MACROD2: variants seen among roughly 807,000 people sequenced by gnomAD.
The protein encoded by MACROD2 is mono-ADP ribosylhydrolase 2, also known as ADP-ribose glycohydrolase MACROD2.
In MACROD2, 36 loss-of-function variants were observed where a neutral mutation model predicts 70.4. The ratio of observed to expected loss-of-function variants is 0.51; its 90% CI spans 0.39 to 0.68. MACROD2 has a LOEUF of 0.68. MACROD2 is among the 30% of genes least tolerant of loss of function. The probability of loss-of-function intolerance (pLI) is 0.00; values close to 1 mark genes in which losing one functional copy is unlikely to be tolerated. For missense variants in MACROD2, 496 were observed against 538.4 expected (o/e 0.92, Z 0.78); for synonymous variants, 172 against 178.8 (o/e 0.96, Z 0.30).
At chr20:14,466,964 T>G (rs537386554) in intron 3 of MACROD2, among the ~76,000 whole-genome samples, 4 of 152,288 alleles carry the variant, frequency 2.6e-5, no homozygotes, top group South Asian at 4.1e-4. Context: ...GCCTCCCAGT[T>G]AGGCTACTCA....
At chr20:15,786,127 T>A (rs1328477054) in intron 8 of MACROD2, among the ~76,000 whole-genome samples, 2 of 148,304 alleles carry the variant, frequency 1.3e-5, no homozygotes, top group African/African-American at 2.5e-5. Context: ...AATTAAAGAC[T>A]AAGGAGATGA....
intron 2 of MACROD2, among the ~76,000 whole-genome samples, chr20:14,037,846 A>C (rs2053335870): frequency 6.6e-6 from 1 of 150,676 alleles, no homozygotes; most frequent in Non-Finnish European, 1.5e-5. Flanking sequence ...TGGTCTCTAC[A>C]AAAAAAAACC....
intron 3 of MACROD2, among the ~76,000 whole-genome samples, chr20:14,414,035 C>T (rs1315410006): frequency 6.6e-6 from 1 of 152,134 alleles, no homozygotes; most frequent in Non-Finnish European, 1.5e-5. Flanking sequence ...CTGCTATCTG[C>T]ATTCTGTCCC....
chr20:14,851,134 A>G (rs959238224), intron 5 of MACROD2, among the ~76,000 whole-genome samples: 1 of 152,182 alleles, frequency 6.6e-6, no homozygotes, highest in African/African-American at 2.4e-5. Flanking sequence ...ATTGAGGGAA[A>G]GAGTTAAAAA....
At chr20:15,383,500 G>A (rs766555820) in intron 6 of MACROD2, among the ~76,000 whole-genome samples, 9 of 152,230 alleles carry the variant, frequency 5.9e-5, no homozygotes, top group East Asian at 1.9e-4. Flanking sequence ...AACAACATTC[G>A]CTTCCCAGTA....
At chr20:14,429,135 C>T (rs1054852856) in intron 3 of MACROD2, among the ~76,000 whole-genome samples, 2 of 152,144 alleles carry the variant, frequency 1.3e-5, no homozygotes, top group African/African-American at 4.8e-5. Flanking sequence ...AAATGAAGCA[C>T]CTGATGATAT....
intron 6 of MACROD2, among the ~76,000 whole-genome samples, chr20:15,321,946 C>T (rs1308065493): frequency 7.0e-6 from 1 of 143,318 alleles, no homozygotes; most frequent in Non-Finnish European, 1.6e-5. Context: ...GCACATGCCA[C>T]CATGCCCAGC....
At chr20:15,119,902 G>A (rs566694546) in intron 5 of MACROD2, among the ~76,000 whole-genome samples, 2 of 152,352 alleles carry the variant, frequency 1.3e-5, no homozygotes, top group South Asian at 4.1e-4. Flanking sequence ...ACCATTGCTG[G>A]TATAGATTCT....
chr20:14,695,087 G>A (rs781452000), intron 5 of MACROD2, among the ~76,000 whole-genome samples: 3 of 151,846 alleles, frequency 2.0e-5, no homozygotes, highest in Non-Finnish European at 4.4e-5. Context: ...GCTTCCTAGG[G>A]CTGCTGTAAC....
At chr20:14,366,068 A>T (rs892427174) in intron 3 of MACROD2, among the ~76,000 whole-genome samples, 3 of 152,140 alleles carry the variant, frequency 2.0e-5, no homozygotes, top group African/African-American at 7.2e-5. Context: ...AGGAATAAGT[A>T]TTCTGCTGTT....
At chr20:14,185,280 A>T (rs2081335806) in intron 3 of MACROD2, among the ~76,000 whole-genome samples, 1 of 152,134 alleles carries the variant, frequency 6.6e-6, no homozygotes, top group Non-Finnish European at 1.5e-5. Context: ...TCATTTTCTT[A>T]AAGTTTTTAT....
intron 8 of MACROD2, among the ~76,000 whole-genome samples, chr20:15,669,581 A>G (rs1056895632): frequency 1.3e-5 from 2 of 152,206 alleles, no homozygotes; most frequent in Admixed American, 6.5e-5. Context: ...AAAGCCTCCT[A>G]TGATTAGGTT....
At chr20:15,959,768 G>A (rs544210226) in intron 12 of MACROD2, among the ~76,000 whole-genome samples, 7 of 152,030 alleles carry the variant, frequency 4.6e-5, no homozygotes, top group South Asian at 2.1e-4. Context: ...TCCTGACCTC[G>A]TGATCTGCCC....
At chr20:15,479,258 TCG>T (rs201319779) in intron 7 of MACROD2, among the ~76,000 whole-genome samples, 46 of 134,710 alleles carry the variant, frequency 3.4e-4, no homozygotes, top group South Asian at 1.0e-3. Flanking sequence ...TACTAGATTC[TCG>T]CTCTCTTTTT....
In MACROD2 at chr20:14,626,995, G is replaced by A. The variant is rs529082252; in HGVS notation, c.302-57848G>A. On this transcript the variant is annotated intron_variant, in intron 4 of 17. Transcript: ENST00000684519. The stretch of plus-strand genomic sequence containing the variant: ...GATGGAGACAATGAATATCAGCTGT[G>A]ACCTTGAGACCACCTGTGTTGGGAG... 2.0e-5 allele frequency: 3 copies of A among 152,282 alleles called. No homozygotes were observed. The South Asian group carries it at 6.2e-4, about 32-fold the overall frequency. 9.4% of individuals were successfully genotyped at this position (152,282 alleles called of 1,614,324 possible).
At chr20:14,685,017 C>A in intron 5 of MACROD2, 58 bp downstream of exon 5, 1 of 1,337,748 alleles carries the variant, frequency 7.5e-7, no homozygotes, top group South Asian at 1.2e-5. Context: ...TTGTTTTACT[C>A]CAGTGTATAA....
At chr20:15,855,720 A>G (rs1051754702) in intron 8 of MACROD2, among the ~76,000 whole-genome samples, 1 of 152,178 alleles carries the variant, frequency 6.6e-6, no homozygotes, top group African/African-American at 2.4e-5. Context: ...TTCTAACTCC[A>G]TCGATGATTT....
intron 4 of MACROD2, among the ~76,000 whole-genome samples, chr20:14,669,900 A>C (rs940084870): frequency 6.6e-6 from 1 of 151,534 alleles, no homozygotes; most frequent in African/African-American, 2.4e-5. Context: ...TACTGCTTAG[A>C]CTCTATTAAT....
intron 5 of MACROD2, among the ~76,000 whole-genome samples, chr20:15,025,356 C>T (rs2075221880): frequency 6.6e-6 from 1 of 152,038 alleles, no homozygotes; most frequent in African/African-American, 2.4e-5. Context: ...TCAGAAGAGG[C>T]AGCTCTGATG....
Sources: allele counts gnomAD v4.1 joint callset (sites outside exome capture counted in the v4.1 genomes callset), GRCh38; gene constraint gnomAD v4.1.1; transcripts MANE v1.5; gene names NCBI Gene and HGNC (gene_info 2026-07-23, HGNC 2026-07-21).